Variants in ZNF783 observed in about 807,000 individuals in gnomAD.
The protein encoded by ZNF783 is protein ZNF783.
Under a neutral mutation model 31.3 loss-of-function variants are expected in ZNF783, and 25 were observed. The observed-to-expected ratio is 0.80, with a 90% CI of 0.58 to 1.11. The LOEUF (loss-of-function observed/expected upper bound fraction) is 1.11, where lower values mean the gene tolerates loss of function less well. Among genes scored for constraint, ZNF783 ranks in the 50% most tolerant of loss-of-function variants. The probability of loss-of-function intolerance (pLI) is 0.00; values close to 1 mark genes in which losing one functional copy is unlikely to be tolerated. For missense variants in ZNF783, 797 were observed against 760.0 expected (o/e 1.05, Z -0.57); for synonymous variants, 369 against 319.1 (o/e 1.16, Z -1.66).
At chr7:149,280,200 C>T (rs1020152851) in intron 5 of ZNF783, among the ~76,000 whole-genome samples, 3 of 151,992 alleles carry the variant, frequency 2.0e-5, no homozygotes, top group Admixed American at 6.5e-5. Context: ...AGAGGAGCTC[C>T]TCACTTCCCA....
intron 1 of ZNF783, 56 bp downstream of exon 1, chr7:149,262,413 CCCGCGCGAGGGACTCTGG>C: frequency 1.7e-6 from 2 of 1,200,930 alleles, no homozygotes; most frequent in Non-Finnish European, 2.1e-6. Flanking sequence ...GCCGCGTGAG[CCCGCGCGAGGGACTCTGG>C]CCGCGCGAGG....
intron 4 of ZNF783, among the ~76,000 whole-genome samples, chr7:149,271,484 C>A (rs1797209678): frequency 6.6e-6 from 1 of 152,128 alleles, no homozygotes; most frequent in South Asian, 2.1e-4. Flanking sequence ...GACTTATGGG[C>A]AAAATAATGC....
Position 149,282,080 on chromosome 7 carries a change from G to A in ZNF783, c.1378G>A (p.Gly460Ser), listed in dbSNP as rs1361390032. The A allele has an allele frequency of 3.1e-6, 5 of 1,596,260 alleles. No individual in the cohort carries two copies. The highest frequency in any genetic ancestry group is 2.2e-5 in the East Asian group (1 of 44,782). The change falls in exon 6 of 6, where the codon GGC becomes AGC. Residue 460 changes from glycine (G) to serine (S), a missense_variant. By Grantham distance (56) the Gly-to-Ser change is moderately conservative. Transcript: ENST00000434415. ...GCTGCTGCACCAGCGCCTGCACACC[G>A]GCAATGGCCAGGGCTGGCCCGCCTG... ...SLLLHQRLHT[G>S]NGQGWPACPY...
chr7:149,274,383 T>C (rs1037910197), intron 4 of ZNF783, among the ~76,000 whole-genome samples: 1 of 152,020 alleles, frequency 6.6e-6, no homozygotes, highest in African/African-American at 2.4e-5. Context: ...TTTTCTTTTT[T>C]GAGACGGAGT....
At chr7:149,264,612 C>G (rs981470163) in intron 1 of ZNF783, among the ~76,000 whole-genome samples, 1 of 152,162 alleles carries the variant, frequency 6.6e-6, no homozygotes, top group Non-Finnish European at 1.5e-5. Flanking sequence ...CACTGACTCA[C>G]GCCTGTAATC....
chr7:149,278,850 C>T (rs368529081), intron 5 of ZNF783, among the ~76,000 whole-genome samples: 4 of 152,082 alleles, frequency 2.6e-5, no homozygotes, highest in African/African-American at 4.8e-5. Flanking sequence ...AGGGTCTTTA[C>T]GAGGGTCCCA....
At chr7:149,277,059 A>C (rs544628196) in intron 4 of ZNF783, 1 of 152,334 alleles carries the variant, frequency 6.6e-6, no homozygotes, top group African/African-American at 2.4e-5. Context: ...CATGTTAGCC[A>C]GGATGGTCTT....
In ZNF783 at chr7:149,262,368, T is replaced by C. The variant is rs1796945512; in HGVS notation, c.24+11T>C. The C allele has an allele frequency of 2.3e-6, 3 of 1,290,458 alleles. No homozygotes were observed. Among genetic ancestry groups the C allele is most frequent in the Non-Finnish European group, 2.9e-6 (3 of 1,018,720 alleles). 79.9% of individuals were successfully genotyped at this position (1,290,458 alleles called of 1,614,324 possible). A position where few individuals can be genotyped will look rare whatever the true frequency, so the allele number is the denominator to read the frequency against. On this transcript the variant is annotated intron_variant, in intron 1 of 5. Coordinates refer to ENST00000434415, the MANE Select transcript of ZNF783 (RefSeq NM_001195220.2). ...GCGGCGCCTGCCCGGGTAAGCGCCC[T>C]CGGCCCCGCGGACGCCCGGAAGGCC...
Position 149,282,825 on chromosome 7 carries a change from G to C in ZNF783, c.*482G>C, listed in dbSNP as rs4727038. On this transcript the variant is annotated 3_prime_UTR_variant, in exon 6 of 6. Coordinates refer to ENST00000434415, the MANE Select transcript of ZNF783 (RefSeq NM_001195220.2). Reference sequence around the variant, plus strand: ...TTTTTTCCCTTCTTATAGAGACTTTGAAATACTTTTGTAAATGTGTGTAGT... The same window carrying C: ...TTTTTTCCCTTCTTATAGAGACTTTCAAATACTTTTGTAAATGTGTGTAGT... The C allele has an allele frequency of 0.52, 80,858 of 154,208 alleles. 21,347 individuals carry two copies. The highest frequency in any genetic ancestry group is 0.56 in the African/African-American group (23,361 of 41,434). The allele number at this position is 154,208 out of a possible 1,614,324, so 9.6% of individuals were successfully genotyped here.
chr7:149,279,440 G>T (rs912398336), intron 5 of ZNF783, among the ~76,000 whole-genome samples: 1 of 152,182 alleles, frequency 6.6e-6, no homozygotes, highest in Admixed American at 6.5e-5. Flanking sequence ...CGTAGCTCTT[G>T]TCTCACCTCT....
intron 4 of ZNF783, among the ~76,000 whole-genome samples, chr7:149,276,855 A>T (rs1030124117): frequency 2.0e-4 from 28 of 142,418 alleles, no homozygotes; most frequent in East Asian, 1.6e-3. Context: ...TTATTTATTT[A>T]TTTTTTTTTT....
chr7:149,275,281 A>G (rs577871174), intron 4 of ZNF783, among the ~76,000 whole-genome samples: 73 of 149,658 alleles, frequency 4.9e-4, no homozygotes, highest in African/African-American at 1.8e-3. Context: ...ATCAGTTCTA[A>G]TAGGTTTTTT....
chr7:149,270,530 C>T (rs900683235), intron 4 of ZNF783, among the ~76,000 whole-genome samples: 1 of 152,218 alleles, frequency 6.6e-6, no homozygotes, highest in Non-Finnish European at 1.5e-5. Flanking sequence ...TGACCCATGA[C>T]TTGGGCTTCT....
chr7:149,263,522 C>T (rs1251039850), intron 1 of ZNF783, among the ~76,000 whole-genome samples: 2 of 151,928 alleles, frequency 1.3e-5, no homozygotes, highest in African/African-American at 2.4e-5. Context: ...AGATACATAT[C>T]TATATGAATA....
rs1475956594 is a variant in ZNF783, at chr7:149,281,860, C to T, written c.1158C>T (p.Ser386=). 3 of 1,499,636 alleles carry T rather than the reference C, an allele frequency of 2.0e-6. No homozygotes were observed. Among genetic ancestry groups the T allele is most frequent in the Non-Finnish European group, 2.6e-6 (3 of 1,133,482 alleles). The allele number at this position is 1,499,636 out of a possible 1,614,324, so 92.9% of individuals were successfully genotyped here. ...AGGCCCCCGGCCGCTCGCCCACCAG[C>T]TGCGGGGACAGCCAGGCCATGCTGG... ...RQEAPGRSPT[S]CGDSQAMLEP... is the part of the protein sequence containing the mutation. The change falls in exon 6 of 6, where the codon AGC becomes AGT. Residue 386 remains serine, a synonymous_variant. Coordinates refer to ENST00000434415, the MANE Select transcript of ZNF783 (RefSeq NM_001195220.2).
intron 4 of ZNF783, chr7:149,277,417 T>C (rs1797358021): frequency 6.6e-6 from 1 of 152,168 alleles, no homozygotes; most frequent in Non-Finnish European, 1.5e-5. Flanking sequence ...TCATCATAGT[T>C]TTTTTCTTAT....
rs1226181280 is a variant in ZNF783 at position 149,278,532 on chromosome 7, G to A, written c.802+5G>A. The A allele has an allele frequency of 1.2e-5, 19 of 1,599,284 alleles. No homozygotes were observed. The highest frequency in any genetic ancestry group is 1.6e-5 in the Non-Finnish European group (19 of 1,179,710). ...CCCCAGCCGGGCCAGAAGCAGGTGA[G>A]TGAGGACAGTGAGGCGGCAGGATGA... On this transcript the variant is annotated splice_donor_5th_base_variant and intron_variant, in intron 5 of 5. Coordinates refer to ENST00000434415, the MANE Select transcript of ZNF783 (RefSeq NM_001195220.2).
intron 1 of ZNF783, among the ~76,000 whole-genome samples, chr7:149,263,020 C>T (rs958862289): frequency 5.3e-5 from 8 of 151,996 alleles, no homozygotes; most frequent in African/African-American, 1.9e-4. Context: ...GCTCCGCCTC[C>T]CGGCTTCAAG....
Position 149,266,799 on chromosome 7 carries a change from T to C in ZNF783, c.421-20T>C, listed in dbSNP as rs1322389962. 1.9e-6 allele frequency: 3 copies of C among 1,613,680 alleles called. No individual in the cohort carries two copies. Among genetic ancestry groups the C allele is most frequent in the Admixed American group, 1.7e-5 (1 of 60,002 alleles). On this transcript the variant is annotated intron_variant, in intron 2 of 5. Coordinates refer to ENST00000434415, the MANE Select transcript of ZNF783 (RefSeq NM_001195220.2). ...GCCTGTGAGCGTGTGGGTGAGTGAG[T>C]GCGACACTTATGGTTCCAGGTGCCC... is the stretch of plus-strand genomic sequence containing the variant.
Sources: allele counts gnomAD v4.1 joint callset (sites outside exome capture counted in the v4.1 genomes callset), GRCh38; gene constraint gnomAD v4.1.1; transcripts MANE v1.5; gene names NCBI Gene and HGNC (gene_info 2026-07-23, HGNC 2026-07-21).